Variants in PNPLA7 observed in about 807,000 individuals in gnomAD.
PNPLA7 encodes patatin like domain 7, lysophospholipase, also known as patatin-like phospholipase domain-containing protein 7.
In PNPLA7, 153 loss-of-function variants were observed where a neutral mutation model predicts 161.7. The observed-to-expected ratio is 0.95, with a 90% CI of 0.83 to 1.08. The LOEUF (loss-of-function observed/expected upper bound fraction) is 1.08, where lower values mean the gene tolerates loss of function less well. PNPLA7 is among the 50% of genes least tolerant of loss of function. The pLI is 0.00. For missense variants in PNPLA7, 1,739 were observed against 1,856.6 expected, an observed-to-expected ratio of 0.94 and a Z score of 1.16; for synonymous variants, 809 against 782.1, an observed-to-expected ratio of 1.03 and a Z score of -0.57.
At chr9:137,506,672 G>T (rs1190162955) in intron 12 of PNPLA7, among the ~76,000 whole-genome samples, 1 of 152,166 alleles carries the variant, frequency 6.6e-6, no homozygotes, top group Non-Finnish European at 1.5e-5. Context: ...CTGCTTTTGG[G>T]CGGCCTCGGG....
At position 137,540,840 on chromosome 9, in the gene PNPLA7, T is replaced by C. The variant is rs1217383880; in HGVS notation, c.667-118A>G. 3 of 855,102 alleles carry C rather than the reference T, an allele frequency of 3.5e-6. No homozygotes were observed. In the Admixed American group the frequency reaches 6.2e-5, roughly 18 times the overall value. 53.0% of individuals were successfully genotyped at this position (855,102 alleles called of 1,614,324 possible). The stretch of plus-strand genomic sequence containing the variant: ...ACGGGCCTGCACCTCTGAGGCGCCA[T>C]GAGAGCAGCAGGCACCTTGGATGGA... On this transcript the variant is annotated intron_variant, in intron 7 of 34. Coordinates refer to ENST00000406427, the MANE Select transcript of PNPLA7 (RefSeq NM_001098537.3). This position sits in a 1 kb window ranked among gnomAD's most constrained non-coding sequence, Gnocchi z 5.1.
chr9:137,461,682 C>A, intron 32 of PNPLA7, 62 bp from the exon 33 acceptor site: 2 of 1,497,562 alleles, frequency 1.3e-6, no homozygotes, highest in Non-Finnish European at 1.8e-6. Context: ...CCCCAGCCTG[C>A]TTCCTGTGGG....
intron 27 of PNPLA7, 48 bp downstream of exon 27, chr9:137,464,292 G>A: frequency 1.2e-6 from 2 of 1,605,526 alleles, no homozygotes; most frequent in Non-Finnish European, 1.7e-6. Flanking sequence ...GGGGCCAGGA[G>A]GGGACAGGCA....
intron 9 of PNPLA7, among the ~76,000 whole-genome samples, chr9:137,522,381 G>A (rs999546404): frequency 6.7e-6 from 1 of 149,144 alleles, no homozygotes; most frequent in African/African-American, 2.5e-5. Context: ...GCCAAGAGAC[G>A]GGGTTTCACC....
chr9:137,502,694 G>GGGAGACGA (rs1833520592), intron 14 of PNPLA7, among the ~76,000 whole-genome samples: 1 of 14,708 alleles, frequency 6.8e-5, no homozygotes, highest in Non-Finnish European at 1.1e-4. Context: ...GAGGGGGACG[G>GGGAGACGA]GGGGGACGCG....
intron 6 of PNPLA7, 119 bp from the exon 7 acceptor site, chr9:137,542,920 C>T: frequency 2.8e-6 from 3 of 1,059,940 alleles, no homozygotes; most frequent in South Asian, 1.6e-5. Flanking sequence ...GCTGTGGGTC[C>T]ACACGGCTGA....
intron 8 of PNPLA7, among the ~76,000 whole-genome samples, chr9:137,536,449 A>G (rs957184072): frequency 4.6e-5 from 7 of 152,216 alleles, no homozygotes; most frequent in Admixed American, 2.0e-4. Context: ...AGAGCAAAAA[A>G]GCATTCACGG....
rs1833304732 is a variant in PNPLA7, at chr9:137,500,198, G to T, written c.1757+493C>A. On this transcript the variant is annotated intron_variant, in intron 16 of 34. Transcript: ENST00000406427. This position sits in a 1 kb window ranked among gnomAD's most constrained non-coding sequence, Gnocchi z 5.5. ...CACGGGCACATTCTGCCCCAAGAAGGGACACACGTCAGTGGGGCTCCTCCC... is the reference window on the plus strand; with the variant it reads ...CACGGGCACATTCTGCCCCAAGAAGTGACACACGTCAGTGGGGCTCCTCCC... Among the ~76,000 whole-genome samples the T allele has an allele frequency of 6.6e-6, 1 of 152,248 alleles. No homozygotes were observed. The highest frequency in any genetic ancestry group is 6.5e-5 in the Admixed American group (1 of 15,288).
chr9:137,505,818 A>G (rs1273751831), intron 13 of PNPLA7, 58 bp from the exon 14 acceptor site: 2 of 1,600,806 alleles, frequency 1.2e-6, no homozygotes, highest in Non-Finnish European at 1.7e-6. Flanking sequence ...AACATCGCAC[A>G]AGGGTGTGGT....
At position 137,543,703 on chromosome 9, in the gene PNPLA7, G is replaced by C. The variant is rs1471092367; in HGVS notation, c.365+21C>G. The C allele has an allele frequency of 6.2e-7, 1 of 1,612,872 alleles. No homozygotes were observed. Among genetic ancestry groups the C allele is most frequent in the Non-Finnish European group, 8.5e-7 (1 of 1,179,048 alleles). ...ATGGGGGGCACCTGGGGCAGGATGT[G>C]GTCTGAAGGACACACAGTACCTCTT... On this transcript the variant is annotated intron_variant, in intron 5 of 34. Transcript: ENST00000406427. This position sits in a 1 kb window ranked among gnomAD's most constrained non-coding sequence, Gnocchi z 6.9.
chr9:137,482,358 T>A (rs922075974), intron 21 of PNPLA7, among the ~76,000 whole-genome samples: 3 of 152,106 alleles, frequency 2.0e-5, no homozygotes, highest in Non-Finnish European at 2.9e-5. Flanking sequence ...GATGAACAGA[T>A]CAACTGTGGT....
intron 26 of PNPLA7, 123 bp from the exon 27 acceptor site, chr9:137,464,579 A>C (rs1831380138): frequency 2.2e-6 from 2 of 911,760 alleles, no homozygotes; most frequent in Non-Finnish European, 3.5e-6. Flanking sequence ...CTTGGGCCCC[A>C]CCCACGGTCC....
intron 20 of PNPLA7, among the ~76,000 whole-genome samples, chr9:137,487,652 A>C (rs564376886): frequency 6.6e-6 from 1 of 152,302 alleles, no homozygotes; most frequent in Admixed American, 6.5e-5. Context: ...AGACAAGAAA[A>C]ATGAAGCAAA....
intron 12 of PNPLA7, among the ~76,000 whole-genome samples, chr9:137,506,535 G>A (rs773580491): frequency 5.3e-5 from 8 of 152,236 alleles, no homozygotes; most frequent in Admixed American, 3.3e-4. Context: ...GCCCTGGGCC[G>A]TCACGCTGGT....
At chr9:137,497,111 A>C in intron 18 of PNPLA7, 76 bp downstream of exon 18, 1 of 1,362,540 alleles carries the variant, frequency 7.3e-7, no homozygotes, top group South Asian at 1.8e-5. Context: ...TGGCCAGGCC[A>C]CACCCAGGCC....
chr9:137,493,019 C>T lies in PNPLA7; in HGVS notation c.2191G>A (p.Val731Met), dbSNP rs1389372800. The stretch of plus-strand genomic sequence containing the variant: ...GTTGGGAGAGGTGACCCACCTGTCA[C>T]AGGTCCCTGCTGGAGGCTGCCCAGG... ...KILGSLQQGP[V>M]TGHQLGLPTE... Residue 731 changes from valine (V) to methionine (M), a missense_variant, in exon 20 of 35, where the codon GTG (valine) becomes ATG (methionine). Physicochemically the swap from Val to Met is conservative, Grantham distance 21 (BLOSUM62 1). Coordinates refer to ENST00000406427, the MANE Select transcript of PNPLA7 (RefSeq NM_001098537.3). 2 of 1,613,594 alleles carry T rather than the reference C, an allele frequency of 1.2e-6. No individual in the cohort carries two copies. The highest frequency in any genetic ancestry group is 2.7e-5 in the African/African-American group (2 of 75,000).
At chr9:137,469,787 G>A (rs73669109) in intron 25 of PNPLA7, among the ~76,000 whole-genome samples, 37 of 152,256 alleles carry the variant, frequency 2.4e-4, no homozygotes, top group African/African-American at 8.4e-4. Context: ...CGGACAGCCC[G>A]GGTGAAGCCG....
At chr9:137,464,000 A>G in intron 28 of PNPLA7, 126 bp downstream of exon 28, 1 of 1,073,770 alleles carries the variant, frequency 9.3e-7, no homozygotes, top group Non-Finnish European at 1.3e-6. Flanking sequence ...CTCCATGGAC[A>G]AAGCTGCCCA....
Position 137,540,653 on chromosome 9 carries a change from C to T in PNPLA7, c.736G>A (p.Asp246Asn). ...DSVHSLLSIL[D>N]IITGHAAPYK... ...AGCGGGGGACTCACGGTGATGATGT[C>T]CAGGATGCTGAGCAGGCTGTGGACG... The change falls in exon 8 of 35, where the codon GAC becomes AAC. Residue 246 changes from aspartate to asparagine, a missense_variant. Coordinates refer to ENST00000406427, the MANE Select transcript of PNPLA7 (RefSeq NM_001098537.3). The surrounding 1 kb of genome is among the most constrained non-coding windows in gnomAD (Gnocchi z 5.1). 6.2e-7 allele frequency: 1 copy of T among 1,611,686 alleles called. No individual in the cohort carries two copies. Among genetic ancestry groups the T allele is most frequent in the Non-Finnish European group, 8.5e-7 (1 of 1,179,344 alleles).
Sources: gnomAD v4.1 joint callset for allele counts (sites outside exome capture counted in the v4.1 genomes callset) on GRCh38, gnomAD v4.1.1 for gene constraint, Gnocchi (gnomAD v3.1) non-coding constraint, MANE v1.5 for transcripts, NCBI Gene and HGNC (gene_info 2026-07-23, HGNC 2026-07-21) for gene names.